Variants in FRMPD1 observed in about 807,000 individuals in gnomAD.
FRMPD1 encodes FERM and PDZ domain containing 1.
FRMPD1 carries 76 observed loss-of-function variants against 117.8 expected under a neutral mutation model. That is an observed-to-expected ratio of 0.65 (90% CI 0.54 to 0.78). The LOEUF (loss-of-function observed/expected upper bound fraction) is 0.78, where lower values mean the gene tolerates loss of function less well. FRMPD1 is among the 30% of genes least tolerant of loss of function. The pLI, the probability that FRMPD1 is intolerant of heterozygous loss-of-function variation, is 0.00. For synonymous variants in FRMPD1, 783 were observed against 770.4 expected, an observed-to-expected ratio of 1.02 and a Z score of -0.27; for missense variants, 1,786 against 1,964.5, an observed-to-expected ratio of 0.91 and a Z score of 1.72.
At chr9:37,701,355 G>T (rs1822523010) in intron 2 of FRMPD1, among the ~76,000 whole-genome samples, 1 of 152,182 alleles carries the variant, frequency 6.6e-6, no homozygotes, top group Non-Finnish European at 1.5e-5. Flanking sequence ...GTCCAGAGAG[G>T]ACAAGAGACT....
chr9:37,681,210 C>G (rs60688899), intron 1 of FRMPD1, among the ~76,000 whole-genome samples: 1 of 62,578 alleles, frequency 1.6e-5, no homozygotes. Flanking sequence ...CAGACTCTGT[C>G]TCAAAAAAAA....
At chr9:37,631,478 G>A in the FRMPD1 span, among the ~76,000 whole-genome samples, 2 of 152,226 alleles carry the variant, frequency 1.3e-5, no homozygotes, top group East Asian at 1.9e-4. Context: ...AAGCATGGAG[G>A]TTTGTCGAAA....
At chr9:37,709,419 C>T (rs1198751723) in intron 4 of FRMPD1, among the ~76,000 whole-genome samples, 3 of 150,762 alleles carry the variant, frequency 2.0e-5, no homozygotes, top group Non-Finnish European at 4.4e-5. Context: ...AACTCTTGGG[C>T]TCAAGTGGTC....
intron 2 of FRMPD1, among the ~76,000 whole-genome samples, chr9:37,706,145 C>T (rs1049086808): frequency 1.3e-5 from 2 of 152,132 alleles, no homozygotes; most frequent in African/African-American, 4.8e-5. Context: ...ACTCCCTCTG[C>T]TTCTAGGTTG....
chr9:37,714,116 G>C (rs1046488178), intron 5 of FRMPD1, among the ~76,000 whole-genome samples: 1 of 152,204 alleles, frequency 6.6e-6, no homozygotes. Flanking sequence ...TCGATAAATG[G>C]AAGTTCTTCT....
At position 37,706,020 on chromosome 9, in the gene FRMPD1, A is replaced by G. The variant is rs1246463284; in HGVS notation, c.102-1396A>G. On this transcript the variant is annotated intron_variant, in intron 2 of 15. Coordinates refer to ENST00000377765, the MANE Select transcript of FRMPD1 (RefSeq NM_014907.3). ...ATAAATAAAAGATTGAAAAAAAATC[A>G]GGAAGAGCTATGGGCTTTATTTAGT... 3.9e-5 allele frequency among the ~76,000 whole-genome samples: 6 copies of G among 152,000 alleles called. No homozygotes were observed. The East Asian group carries it at 1.2e-3, about 29-fold the overall frequency.
At chr9:37,610,351 T>C in the FRMPD1 span, among the ~76,000 whole-genome samples, 1 of 152,202 alleles carries the variant, frequency 6.6e-6, no homozygotes, top group Non-Finnish European at 1.5e-5. Context: ...GAACAGTGTC[T>C]AGCACATAAG....
rs192396234 is a variant in FRMPD1, at chr9:37,745,275, G to A, written c.3243G>A (p.Glu1081=). 6.2e-7 allele frequency: 1 copy of A among 1,612,326 alleles called. No homozygotes were observed. The highest frequency in any genetic ancestry group is 1.1e-5 in the South Asian group (1 of 91,050). Residue 1081 remains glutamate (E), a synonymous_variant, in exon 16 of 16, where the codon GAG becomes GAA. Coordinates refer to ENST00000377765, the MANE Select transcript of FRMPD1 (RefSeq NM_014907.3). Reference sequence around the variant, plus strand: ...AGCCTTTGTTGTCTCCTAGAGATGAGCCTAGAAGTGATGAATGTGGAATAA... The same window carrying A: ...AGCCTTTGTTGTCTCCTAGAGATGAACCTAGAAGTGATGAATGTGGAATAA... ...YTEPLLSPRD[E]PRSDECGINP...
At chr9:37,743,592 G>T (rs1824531425) in intron 15 of FRMPD1, among the ~76,000 whole-genome samples, 1 of 120,616 alleles carries the variant, frequency 8.3e-6, no homozygotes, top group Non-Finnish European at 1.6e-5. Flanking sequence ...TGGAGAATTT[G>T]TAGCTGATTG....
At chr9:37,629,877 G>C in the FRMPD1 span, among the ~76,000 whole-genome samples, 3 of 152,166 alleles carry the variant, frequency 2.0e-5, no homozygotes, top group African/African-American at 7.2e-5. Context: ...TGTAGACTGA[G>C]TGGCTTACCA....
At chr9:37,723,016 G>A (rs1008493428) in intron 6 of FRMPD1, among the ~76,000 whole-genome samples, 2 of 152,156 alleles carry the variant, frequency 1.3e-5, no homozygotes, top group Admixed American at 6.5e-5. Context: ...TCCCCAAATA[G>A]CCCTACGAGA....
chr9:37,623,803 C>T, the FRMPD1 span, among the ~76,000 whole-genome samples: 1 of 152,064 alleles, frequency 6.6e-6, no homozygotes, highest in Non-Finnish European at 1.5e-5. Flanking sequence ...AAGTTCAGGC[C>T]AGGGATAAAC....
At chr9:37,742,661 G>A (rs765991367) in intron 15 of FRMPD1, among the ~76,000 whole-genome samples, 5 of 152,326 alleles carry the variant, frequency 3.3e-5, no homozygotes, top group Non-Finnish European at 7.3e-5. Context: ...CACTTTGGGA[G>A]GCAGAAGCAG....
chr9:37,720,086 A>G (rs1186960613), intron 6 of FRMPD1, among the ~76,000 whole-genome samples: 1 of 152,190 alleles, frequency 6.6e-6, no homozygotes, highest in African/African-American at 2.4e-5. Context: ...TCCAGGTGAC[A>G]TGGTCCACAT....
At chr9:37,735,488 T>TACATGTGAAATGTATTTTCACTCGCA in intron 12 of FRMPD1, 64 bp from the exon 13 acceptor site, 1 of 1,231,930 alleles carries the variant, frequency 8.1e-7, no homozygotes, top group Non-Finnish European at 1.2e-6. Flanking sequence ...TATTATTGCT[T>TACATGTGAAATGTATTTTCACTCGCA]ACATGTGAAA....
chr9:37,682,325 C>T (rs142451486), intron 1 of FRMPD1, among the ~76,000 whole-genome samples: 1,688 of 152,298 alleles, frequency 0.011, 14 homozygotes, highest in Non-Finnish European at 0.016. Flanking sequence ...TAGTTTCCCT[C>T]CTTCCCCAAA....
At chr9:37,697,320 C>T (rs1436044246) in intron 2 of FRMPD1, among the ~76,000 whole-genome samples, 4 of 152,100 alleles carry the variant, frequency 2.6e-5, no homozygotes, top group African/African-American at 9.7e-5. Context: ...CTAAACTCGG[C>T]CAGGCCCAGT....
chr9:37,722,868 G>A lies in FRMPD1; in HGVS notation c.517-1357G>A, dbSNP rs1206811595. ...ATGTATACATGTGCCATGCTGGTGT[G>A]CTGCACCTATTAACTCGTCATTTAG... On this transcript the variant is annotated intron_variant, in intron 6 of 15. Coordinates refer to ENST00000377765, the MANE Select transcript of FRMPD1 (RefSeq NM_014907.3). 3.9e-5 allele frequency among the ~76,000 whole-genome samples: 6 copies of A among 151,984 alleles called. No individual in the cohort carries two copies. In the South Asian group the frequency reaches 1.2e-3, roughly 32 times the overall value.
chr9:37,617,981 C>T, the FRMPD1 span, among the ~76,000 whole-genome samples: 1 of 152,100 alleles, frequency 6.6e-6, no homozygotes. Flanking sequence ...TAGTGATGTT[C>T]GGATGACTGA....
Sources: gnomAD v4.1 joint callset for allele counts (sites outside exome capture counted in the v4.1 genomes callset) on GRCh38, gnomAD v4.1.1 for gene constraint, MANE v1.5 for transcripts, NCBI Gene and HGNC (gene_info 2026-07-23, HGNC 2026-07-21) for gene names.